The following HECTD4 variants were observed in gnomAD, a reference collection of about 807,000 sequenced individuals.
HECTD4 encodes the protein HECT domain E3 ubiquitin protein ligase 4.
HECTD4 carries 114 observed loss-of-function variants against 471.5 expected under a neutral mutation model. The observed-to-expected ratio is 0.24, with a 90% CI of 0.21 to 0.28. The LOEUF is 0.28. Among genes scored for constraint, HECTD4 ranks in the 10% least tolerant of loss-of-function variants. The pLI, the probability that HECTD4 is intolerant of heterozygous loss-of-function variation, is 1.00. For synonymous variants in HECTD4, 2,012 were observed against 2,256.0 expected, an observed-to-expected ratio of 0.89 and a Z score of 3.07; for missense variants, 3,866 against 5,651.5, an observed-to-expected ratio of 0.68 and a Z score of 10.13.
At chr12:112,237,295 A>T (rs1185870245) in intron 34 of HECTD4, among the ~76,000 whole-genome samples, 197 bp from the exon 35 acceptor site, 1 of 152,212 alleles carries the variant, frequency 6.6e-6, no homozygotes, top group Non-Finnish European at 1.5e-5. Context: ...TGGGGGGTAG[A>T]CATTACTATT....
At chr12:112,345,954 G>A (rs1361348237) in intron 1 of HECTD4, among the ~76,000 whole-genome samples, 1 of 152,172 alleles carries the variant, frequency 6.6e-6, no homozygotes, top group East Asian at 1.9e-4. Context: ...TGAATGTTCT[G>A]GAGCTATGGC....
intron 72 of HECTD4, among the ~76,000 whole-genome samples, chr12:112,164,511 G>A (rs1319508081): frequency 1.3e-5 from 2 of 152,182 alleles, no homozygotes; most frequent in African/African-American, 4.8e-5. Flanking sequence ...TCTGTTTGGA[G>A]GCAGCGATCC....
intron 72 of HECTD4, among the ~76,000 whole-genome samples, chr12:112,165,916 A>T (rs1343634578): frequency 1.3e-5 from 2 of 152,196 alleles, no homozygotes; most frequent in Non-Finnish European, 2.9e-5. Flanking sequence ...TTCGGGTCTA[A>T]GCCTGGAGTC....
rs763977947 is a variant in HECTD4 at position 112,171,271 on chromosome 12, C to A, written c.11786-8G>T. On this transcript the variant is annotated splice_polypyrimidine_tract_variant and splice_region_variant and intron_variant, in intron 67 of 75. Transcript: ENST00000682272. ...GGCTCTCGATGGGCACGTCTGAGGG[C>A]GCAGGAGCAGTCAGGCTGAGATCTC... The A allele has an allele frequency of 1.9e-6, 3 of 1,595,302 alleles. No individual in the cohort carries two copies. Among genetic ancestry groups the A allele is most frequent in the Admixed American group, 3.5e-5 (2 of 56,572 alleles).
At chr12:112,371,116 A>G (rs1402166305) in intron 1 of HECTD4, among the ~76,000 whole-genome samples, 1 of 152,222 alleles carries the variant, frequency 6.6e-6, no homozygotes, top group Non-Finnish European at 1.5e-5. Flanking sequence ...CAGCAGCTCG[A>G]GCCAACAGGT....
chr12:112,252,379 A>T, intron 23 of HECTD4, 45 bp downstream of exon 23: 1 of 1,538,610 alleles, frequency 6.5e-7, no homozygotes, highest in Non-Finnish European at 8.7e-7. Flanking sequence ...CAAGGCACAT[A>T]GCAGATAGTA....
At chr12:112,249,341 G>A (rs987227709) in intron 25 of HECTD4, among the ~76,000 whole-genome samples, 1 of 148,006 alleles carries the variant, frequency 6.8e-6, no homozygotes, top group Middle Eastern at 3.5e-3. Flanking sequence ...GTGACAGAGC[G>A]AGACTCCCTC....
chr12:112,352,210 A>G (rs2036257638), intron 1 of HECTD4, among the ~76,000 whole-genome samples: 1 of 152,172 alleles, frequency 6.6e-6, no homozygotes. Flanking sequence ...TCAGAAGAAT[A>G]TGAGTTAGGG....
chr12:112,169,699 C>T lies in HECTD4; in HGVS notation c.12053-41G>A, dbSNP rs199708822. ...AGCTGATCAAAGCACCCCGCCGTGG[C>T]CGCCCTCTCCCCTCCCCTTGAGGAC... On this transcript the variant is annotated intron_variant, in intron 69 of 75. Transcript: ENST00000682272. 1.1e-4 allele frequency: 180 copies of T among 1,608,672 alleles called. 1 individual carries two copies. Among genetic ancestry groups the T allele is most frequent in the African/African-American group, 8.4e-4 (63 of 75,046 alleles).
At position 112,179,821 on chromosome 12, in the gene HECTD4, C is replaced by A. The variant is rs1309065637; in HGVS notation, c.10988-424G>T. ...TCATAGCAGTTTAGTCTAGAATAATCCCAGAGGATAGATAGCCAGCAAGTA... is the reference window on the plus strand; with the variant it reads ...TCATAGCAGTTTAGTCTAGAATAATACCAGAGGATAGATAGCCAGCAAGTA... On this transcript the variant is annotated intron_variant, in intron 62 of 75. Coordinates refer to ENST00000682272, the MANE Select transcript of HECTD4 (RefSeq NM_001388303.1). This position sits in a 1 kb window ranked among gnomAD's most constrained non-coding sequence, Gnocchi z 4.3. 6.6e-6 allele frequency among the ~76,000 whole-genome samples: 1 copy of A among 152,212 alleles called. No homozygotes were observed. The highest frequency in any genetic ancestry group is 1.5e-5 in the Non-Finnish European group (1 of 68,040).
intron 32 of HECTD4, among the ~76,000 whole-genome samples, chr12:112,241,661 T>C (rs1482237256): frequency 6.6e-6 from 1 of 152,152 alleles, no homozygotes; most frequent in Non-Finnish European, 1.5e-5. Flanking sequence ...GGTCTCACTA[T>C]ATTGCCCAGG....
chr12:112,182,001 G>C (rs924085440), intron 62 of HECTD4, among the ~76,000 whole-genome samples: 1 of 152,078 alleles, frequency 6.6e-6, no homozygotes. Flanking sequence ...CTGAGGCAGG[G>C]AGAATTGCTT....
At chr12:112,259,018 A>G in intron 19 of HECTD4, 94 bp downstream of exon 19, 2 of 1,095,618 alleles carry the variant, frequency 1.8e-6, no homozygotes, top group Non-Finnish European at 2.6e-6. Context: ...GAAAGGCAGG[A>G]TTATGTTTAT....
chr12:112,234,233 CCT>C (rs754975821), intron 37 of HECTD4, among the ~76,000 whole-genome samples: 1 of 152,102 alleles, frequency 6.6e-6, no homozygotes, highest in Non-Finnish European at 1.5e-5. Flanking sequence ...TTCTTCTTCC[CCT>C]GCCTCCTGAA....
intron 55 of HECTD4, 49 bp from the exon 56 acceptor site, chr12:112,195,115 C>A (rs969161484): frequency 1.3e-6 from 2 of 1,507,132 alleles, no homozygotes; most frequent in South Asian, 1.2e-5. Flanking sequence ...ATGCTCCGGC[C>A]CCCATACCGG....
chr12:112,292,414 A>G (rs1310263257), intron 7 of HECTD4, among the ~76,000 whole-genome samples: 1 of 152,170 alleles, frequency 6.6e-6, no homozygotes, highest in Non-Finnish European at 1.5e-5. Flanking sequence ...CTATTGCTTT[A>G]CTTCATCTTC....
intron 50 of HECTD4, among the ~76,000 whole-genome samples, chr12:112,209,380 G>A (rs2032694179): frequency 6.7e-6 from 1 of 149,454 alleles, no homozygotes. Flanking sequence ...AGGCTGGAGT[G>A]CAATGGCACG....
At position 112,192,572 on chromosome 12, in the gene HECTD4, G is replaced by A; in HGVS notation, c.9280C>T (p.His3094Tyr). 6.3e-7 allele frequency: 1 copy of A among 1,578,958 alleles called. No homozygotes were observed. The highest frequency in any genetic ancestry group is 8.6e-7 in the Non-Finnish European group (1 of 1,159,828). ...PSVVLSTDRV[H>Y]IKLGVSPPPG... ...GCTGGAGACTCACCCAGTTTGATGT[G>A]GACCCTGTCTGTGGAGAGGACCACA... The change falls in exon 59 of 76, where the codon CAC becomes TAC. Residue 3094 changes from histidine (H) to tyrosine (Y), a missense_variant. Around this residue, in one of 16 missense-constraint regions of HECTD4, gnomAD observed 364 missense variants for 413.2 expected, o/e 0.88. Coordinates refer to ENST00000682272, the MANE Select transcript of HECTD4 (RefSeq NM_001388303.1).
chr12:112,264,735 G>A (rs2034228354), intron 16 of HECTD4, among the ~76,000 whole-genome samples: 1 of 152,086 alleles, frequency 6.6e-6, no homozygotes, highest in African/African-American at 2.4e-5. Context: ...ACATTTCTAG[G>A]GTAAGTAGTA....
Sources: allele counts gnomAD v4.1 joint callset (sites outside exome capture counted in the v4.1 genomes callset), GRCh38; gene constraint gnomAD v4.1.1; regional missense constraint gnomAD v4.1.1; non-coding constraint Gnocchi (gnomAD v3.1); transcripts MANE v1.5; gene names NCBI Gene and HGNC (gene_info 2026-07-23, HGNC 2026-07-21).